Variants in UBASH3B observed in about 807,000 individuals in gnomAD.
UBASH3B encodes the protein ubiquitin associated and SH3 domain containing B.
In UBASH3B, 37 loss-of-function variants were observed where a neutral mutation model predicts 83.4. The ratio of observed to expected loss-of-function variants is 0.44; its 90% CI spans 0.34 to 0.58. UBASH3B has a LOEUF of 0.58. Among genes scored for constraint, UBASH3B ranks in the 20% least tolerant of loss-of-function variants. The probability of loss-of-function intolerance (pLI) is 0.01; values close to 1 mark genes in which losing one functional copy is unlikely to be tolerated. For missense variants in UBASH3B, 657 were observed against 827.2 expected (o/e 0.79, Z 2.52); for synonymous variants, 304 against 318.3 (o/e 0.96, Z 0.48).
In UBASH3B at chr11:122,783,226, A is replaced by G. The variant is rs376820164; in HGVS notation, c.771+4A>G. On this transcript the variant is annotated splice_donor_region_variant and intron_variant, in intron 5 of 13. Transcript: ENST00000284273. ...TATCCGATTTGCTAACCATGAGGTAATGTCTCACTGTGGTTCCAGAAGCTA... is the reference window on the plus strand; with the variant it reads ...TATCCGATTTGCTAACCATGAGGTAGTGTCTCACTGTGGTTCCAGAAGCTA... 40 of 1,613,040 alleles carry G rather than the reference A, an allele frequency of 2.5e-5. No homozygotes were observed. Among genetic ancestry groups the G allele is most frequent in the Non-Finnish European group, 3.1e-5 (36 of 1,179,458 alleles).
chr11:122,750,992 A>C (rs1861190004), intron 1 of UBASH3B, among the ~76,000 whole-genome samples: 1 of 152,186 alleles, frequency 6.6e-6, no homozygotes, highest in African/African-American at 2.4e-5. Flanking sequence ...GATTATTGAG[A>C]TAGAGTTGAG....
chr11:122,682,874 C>G (rs1188527061), intron 1 of UBASH3B, among the ~76,000 whole-genome samples: 3 of 152,216 alleles, frequency 2.0e-5, no homozygotes, highest in African/African-American at 7.2e-5. Flanking sequence ...TATAACAAAA[C>G]AAATGCGTCA....
At chr11:122,718,721 A>C (rs915651971) in intron 1 of UBASH3B, among the ~76,000 whole-genome samples, 3 of 152,232 alleles carry the variant, frequency 2.0e-5, no homozygotes, top group Non-Finnish European at 4.4e-5. Flanking sequence ...ATGAAAAGCT[A>C]ACTCATAGCG....
At chr11:122,784,904 C>G (rs1009461337) in intron 5 of UBASH3B, among the ~76,000 whole-genome samples, 13 of 152,106 alleles carry the variant, frequency 8.5e-5, no homozygotes, top group African/African-American at 2.4e-4. Flanking sequence ...TTTAAGAATT[C>G]TGACATCTCC....
intron 1 of UBASH3B, among the ~76,000 whole-genome samples, chr11:122,674,482 G>A (rs1016196521): frequency 6.7e-6 from 1 of 150,254 alleles, no homozygotes; most frequent in African/African-American, 2.5e-5. Flanking sequence ...CCCGGTTCAC[G>A]CCATTCTCCT....
intron 1 of UBASH3B, among the ~76,000 whole-genome samples, chr11:122,742,672 G>T (rs898303278): frequency 2.0e-5 from 3 of 152,226 alleles, no homozygotes; most frequent in Non-Finnish European, 4.4e-5. Context: ...AGCACGAAGG[G>T]TTCCCTCTCA....
At position 122,720,627 on chromosome 11, in the gene UBASH3B, G is replaced by A. The variant is rs557341058; in HGVS notation, c.162-55592G>A. The stretch of plus-strand genomic sequence containing the variant: ...GTACCTCCTTGCCCATTCAGCTGAA[G>A]CCACATGGTCTATTCTTTGTTCCTT... On this transcript the variant is annotated intron_variant, in intron 1 of 13. Transcript: ENST00000284273. 2.8e-4 allele frequency among the ~76,000 whole-genome samples: 43 copies of A among 152,246 alleles called. 1 individual carries two copies. The South Asian group carries it at 8.7e-3, about 31-fold the overall frequency.
At chr11:122,715,860 C>T (rs940120071) in intron 1 of UBASH3B, among the ~76,000 whole-genome samples, 1 of 152,272 alleles carries the variant, frequency 6.6e-6, no homozygotes, top group African/African-American at 2.4e-5. Flanking sequence ...TATTTGCTGA[C>T]AGAGGCAGCA....
intron 1 of UBASH3B, among the ~76,000 whole-genome samples, chr11:122,749,845 G>T (rs1021355140): frequency 1.3e-5 from 2 of 152,176 alleles, no homozygotes; most frequent in African/African-American, 4.8e-5. Flanking sequence ...CTATTCTCGT[G>T]CCTCAGCTTC....
At chr11:122,773,584 C>T (rs1860683456) in intron 1 of UBASH3B, among the ~76,000 whole-genome samples, 1 of 152,212 alleles carries the variant, frequency 6.6e-6, no homozygotes. Flanking sequence ...TTGGCCAAGC[C>T]TCCCCGGAGC....
intron 1 of UBASH3B, among the ~76,000 whole-genome samples, chr11:122,718,252 A>G (rs922508854): frequency 4.6e-5 from 7 of 152,170 alleles, no homozygotes; most frequent in Admixed American, 2.0e-4. Context: ...ACGTCCAAGA[A>G]AGTGGATGCA....
At chr11:122,776,724 G>C (rs1044848006) in intron 2 of UBASH3B, among the ~76,000 whole-genome samples, 1 of 152,152 alleles carries the variant, frequency 6.6e-6, no homozygotes, top group Non-Finnish European at 1.5e-5. Flanking sequence ...GGTCCTAGTG[G>C]ATTGGGAAAG....
chr11:122,781,208 A>G (rs1187470287), intron 4 of UBASH3B, among the ~76,000 whole-genome samples: 2 of 148,692 alleles, frequency 1.3e-5, no homozygotes, highest in Non-Finnish European at 1.5e-5. Context: ...CGACGGGACT[A>G]GTCTCCGGGT....
chr11:122,687,070 T>C (rs1260110228), intron 1 of UBASH3B, among the ~76,000 whole-genome samples: 2 of 152,110 alleles, frequency 1.3e-5, no homozygotes, highest in Non-Finnish European at 2.9e-5. Context: ...GGTTTCACCA[T>C]GTTGGCCAGG....
chr11:122,743,060 C>G (rs1861052089), intron 1 of UBASH3B, among the ~76,000 whole-genome samples: 1 of 152,204 alleles, frequency 6.6e-6, no homozygotes, highest in African/African-American at 2.4e-5. Context: ...TTAGTCTTCT[C>G]TCCTTTCAGC....
rs774810567 is a variant in UBASH3B, at chr11:122,809,846, C to T, written c.1910C>T (p.Thr637Ile). The change falls in exon 14 of 14, where the codon ACT becomes ATT. Residue 637 changes from threonine to isoleucine, a missense_variant. Transcript: ENST00000284273. ...PPILPLTHGP[T>I]GGFNWRETLL... ...ATCCTTCCTCTTACCCATGGACCAA[C>T]TGGGGGCTTCAACTGGAGAGAGACC... The T allele has an allele frequency of 6.2e-7, 1 of 1,614,034 alleles. No homozygotes were observed. Among genetic ancestry groups the T allele is most frequent in the African/African-American group, 1.3e-5 (1 of 74,910 alleles).
intron 3 of UBASH3B, among the ~76,000 whole-genome samples, chr11:122,778,700 G>C (rs759590026): frequency 6.6e-6 from 1 of 151,652 alleles, no homozygotes; most frequent in Non-Finnish European, 1.5e-5. Flanking sequence ...TGCTTCCCGG[G>C]TTCAAGTGAT....
chr11:122,741,552 G>A lies in UBASH3B; in HGVS notation c.162-34667G>A, dbSNP rs916511841. 2.6e-5 allele frequency among the ~76,000 whole-genome samples: 4 copies of A among 152,264 alleles called. No individual in the cohort carries two copies. In the East Asian group the frequency reaches 5.8e-4, roughly 22 times the overall value. Reference sequence around the variant, plus strand: ...GAACATCCCACTCCAGAGGAACTGCGTGAGTGATCGAATACTCCAAGCCTG... The same window carrying A: ...GAACATCCCACTCCAGAGGAACTGCATGAGTGATCGAATACTCCAAGCCTG... On this transcript the variant is annotated intron_variant, in intron 1 of 13. Coordinates refer to ENST00000284273, the MANE Select transcript of UBASH3B (RefSeq NM_032873.5).
intron 1 of UBASH3B, among the ~76,000 whole-genome samples, chr11:122,708,056 C>T (rs1025520667): frequency 6.6e-6 from 1 of 152,152 alleles, no homozygotes; most frequent in Non-Finnish European, 1.5e-5. Flanking sequence ...GCTATCTCTT[C>T]TCCTGACATC....
Sources: gnomAD v4.1 joint callset for allele counts (sites outside exome capture counted in the v4.1 genomes callset) on GRCh38, gnomAD v4.1.1 for gene constraint, MANE v1.5 for transcripts, NCBI Gene and HGNC (gene_info 2026-07-23, HGNC 2026-07-21) for gene names.